ROBO1: variants seen among roughly 807,000 people sequenced by gnomAD.
The protein encoded by ROBO1 is roundabout guidance receptor 1, also known as roundabout homolog 1.
In ROBO1, 149 loss-of-function variants were observed where a neutral mutation model predicts 195.9. The ratio of observed to expected loss-of-function variants is 0.76; its 90% CI spans 0.67 to 0.87. The LOEUF (loss-of-function observed/expected upper bound fraction) is 0.87. Among genes scored for constraint, ROBO1 ranks in the 40% least tolerant of loss-of-function variants. ROBO1 has a pLI of 0.00. For synonymous variants in ROBO1, 816 were observed against 733.2 expected (o/e 1.11, Z -1.82); for missense variants, 1,933 against 2,068.3 (o/e 0.93, Z 1.27).
chr3:78,754,726 C>T (rs1416269111), intron 4 of ROBO1, among the ~76,000 whole-genome samples: 1 of 152,102 alleles, frequency 6.6e-6, no homozygotes, highest in Non-Finnish European at 1.5e-5. Flanking sequence ...TTCAAATAAA[C>T]ACATACATAT....
chr3:79,333,960 A>C lies in ROBO1; in HGVS notation c.89-208421T>G, dbSNP rs138861935. ...CCAGATTGGCACAAAACTCTCTTTT[A>C]CGTTCTTAAGGTCTTTGCTCAGAGA... On this transcript the variant is annotated intron_variant, in intron 2 of 30. Transcript: ENST00000464233. Among the ~76,000 whole-genome samples the C allele has an allele frequency of 3.1e-3, 467 of 152,248 alleles. 15 individuals are homozygous for C. Among genetic ancestry groups the C allele is most frequent in the Admixed American group, 0.027 (408 of 15,282 alleles).
intron 3 of ROBO1, among the ~76,000 whole-genome samples, chr3:79,047,918 T>A (rs904375229): frequency 6.6e-6 from 1 of 152,094 alleles, no homozygotes; most frequent in African/African-American, 2.4e-5. Flanking sequence ...AGTATTTATG[T>A]CTACTGCCAA....
chr3:79,277,518 T>G (rs908735268), intron 2 of ROBO1, among the ~76,000 whole-genome samples: 1 of 151,970 alleles, frequency 6.6e-6, no homozygotes, highest in African/African-American at 2.4e-5. Context: ...GGTTAATGGG[T>G]ACAAAAATAT....
At chr3:79,320,679 A>G (rs1290518267) in intron 2 of ROBO1, among the ~76,000 whole-genome samples, 1 of 152,186 alleles carries the variant, frequency 6.6e-6, no homozygotes, top group African/African-American at 2.4e-5. Context: ...CATTCAGTCC[A>G]TAAGAAATAT....
At chr3:79,123,621 T>C (rs931779927) in intron 3 of ROBO1, among the ~76,000 whole-genome samples, 16 of 152,094 alleles carry the variant, frequency 1.1e-4, no homozygotes, top group African/African-American at 3.4e-4. Context: ...ATATACAGAA[T>C]AGACTTCCTT....
rs562331350 is a variant in ROBO1, at chr3:79,153,271, A to T, written c.89-27732T>A. Among the ~76,000 whole-genome samples, 75 of 151,894 alleles carry T rather than the reference A, an allele frequency of 4.9e-4. No homozygotes were observed. The South Asian group carries it at 0.015, about 31-fold the overall frequency. On this transcript the variant is annotated intron_variant, in intron 2 of 30. Transcript: ENST00000464233. The stretch of plus-strand genomic sequence containing the variant: ...GGCTTAGTCGCTTAACCCTATCTTT[A>T]TCAGAGAGCAGAGGATTGGGTCTCC...
intron 3 of ROBO1, among the ~76,000 whole-genome samples, chr3:79,104,540 T>C (rs74361136): frequency 1.3e-5 from 2 of 151,740 alleles, no homozygotes; most frequent in African/African-American, 4.8e-5. Context: ...ATTTTTTTTA[T>C]TATTAGTTCT....
At chr3:79,755,991 T>A (rs956792459) in intron 1 of ROBO1, among the ~76,000 whole-genome samples, 2 of 152,242 alleles carry the variant, frequency 1.3e-5, no homozygotes, top group African/African-American at 4.8e-5. Context: ...TATCCAGTCA[T>A]TTCATTCCAA....
chr3:79,447,498 C>T (rs540592422), intron 2 of ROBO1, among the ~76,000 whole-genome samples: 27 of 152,280 alleles, frequency 1.8e-4, no homozygotes, highest in African/African-American at 6.5e-4. Context: ...TGGATAGAGA[C>T]TTAACGAAAC....
chr3:79,667,033 T>C (rs1946495276), intron 1 of ROBO1, among the ~76,000 whole-genome samples: 2 of 151,902 alleles, frequency 1.3e-5, no homozygotes, highest in Non-Finnish European at 2.9e-5. Flanking sequence ...TCAAATAAGA[T>C]AAAAGTAACC....
intron 1 of ROBO1, among the ~76,000 whole-genome samples, chr3:79,656,345 G>C (rs1006444032): frequency 6.6e-6 from 1 of 151,796 alleles, no homozygotes; most frequent in Non-Finnish European, 1.5e-5. Flanking sequence ...CATGGAATTG[G>C]AAAGAAACTA....
intron 2 of ROBO1, chr3:79,507,865 A>T (rs182992819): frequency 6.5e-6 from 1 of 154,888 alleles, no homozygotes; most frequent in Admixed American, 6.5e-5. Flanking sequence ...GTTGAAAGAG[A>T]TAATTAGGCT....
intron 2 of ROBO1, among the ~76,000 whole-genome samples, chr3:79,202,711 G>T: frequency 6.6e-6 from 1 of 151,268 alleles, no homozygotes; most frequent in East Asian, 1.9e-4. Context: ...TCAAAATTTT[G>T]GTGTTTACTT....
At chr3:78,630,422 G>A (rs946362008) in intron 25 of ROBO1, among the ~76,000 whole-genome samples, 11 of 152,140 alleles carry the variant, frequency 7.2e-5, no homozygotes, top group African/African-American at 2.7e-4. Flanking sequence ...CTTTGTTTCT[G>A]GGCATAGTAA....
chr3:79,591,363 C>T (rs1351263378), intron 1 of ROBO1, among the ~76,000 whole-genome samples: 1 of 151,796 alleles, frequency 6.6e-6, no homozygotes, highest in African/African-American at 2.4e-5. Flanking sequence ...TGCTAAGTTT[C>T]CCCTAGCAAA....
At chr3:79,632,249 G>A (rs193050961) in intron 1 of ROBO1, among the ~76,000 whole-genome samples, 74 of 152,184 alleles carry the variant, frequency 4.9e-4, no homozygotes, top group Admixed American at 1.8e-3. Context: ...ACCAGCAATT[G>A]ATTGGAAAAA....
At chr3:79,506,133 T>G (rs1360360466) in intron 2 of ROBO1, among the ~76,000 whole-genome samples, 1 of 151,910 alleles carries the variant, frequency 6.6e-6, no homozygotes. Context: ...TTATTTATTA[T>G]TATTATATTA....
intron 1 of ROBO1, among the ~76,000 whole-genome samples, chr3:79,630,531 T>A (rs923622082): frequency 3.3e-5 from 5 of 152,004 alleles, no homozygotes; most frequent in African/African-American, 1.2e-4. Flanking sequence ...ATAGCCAACA[T>A]CATTGTGAAT....
At chr3:79,537,094 C>A (rs139118786) in intron 2 of ROBO1, among the ~76,000 whole-genome samples, 1 of 145,982 alleles carries the variant, frequency 6.9e-6, no homozygotes, top group East Asian at 1.9e-4. Context: ...TTTATCTTTC[C>A]TTCTTTTTTC....
Sources: gnomAD v4.1 joint callset for allele counts (sites outside exome capture counted in the v4.1 genomes callset) on GRCh38, gnomAD v4.1.1 for gene constraint, MANE v1.5 for transcripts, NCBI Gene and HGNC (gene_info 2026-07-23, HGNC 2026-07-21) for gene names.